Variants in FOXP1 observed in about 807,000 individuals in gnomAD.
FOXP1 encodes the protein forkhead box protein P1.
FOXP1 carries 15 observed loss-of-function variants against 98.2 expected under a neutral mutation model. That is an observed-to-expected ratio of 0.15 (90% CI 0.10 to 0.24). FOXP1 has a LOEUF of 0.24. FOXP1 is among the 10% of genes least tolerant of loss of function. FOXP1 has a pLI of 1.00. For missense variants in FOXP1, 633 were observed against 848.5 expected (o/e 0.75, Z 3.15); for synonymous variants, 371 against 314.5 (o/e 1.18, Z -1.90).
At chr3:71,346,136 A>C (rs1733520) in intron 4 of FOXP1, among the ~76,000 whole-genome samples, 1 of 152,222 alleles carries the variant, frequency 6.6e-6, no homozygotes, top group East Asian at 1.9e-4. Context: ...ATGTAAGAAA[A>C]ACAAAGAGCA....
At chr3:71,542,073 G>A in intron 2 of FOXP1, 2 of 524,170 alleles carry the variant, frequency 3.8e-6, no homozygotes, top group Admixed American at 2.0e-5. Flanking sequence ...ACATTAAACT[G>A]GCTTATATAT....
intron 5 of FOXP1, among the ~76,000 whole-genome samples, chr3:71,248,730 G>C (rs1318306545): frequency 4.3e-5 from 5 of 115,584 alleles, no homozygotes; most frequent in African/African-American, 1.8e-4. Flanking sequence ...AACAGAGCAA[G>C]ACGTCATCTC....
At chr3:71,185,344 A>T (rs2062582806) in intron 6 of FOXP1, among the ~76,000 whole-genome samples, 1 of 152,234 alleles carries the variant, frequency 6.6e-6, no homozygotes, top group Admixed American at 6.5e-5. Context: ...CAAGGGCAAC[A>T]CCATCTCTTC....
At chr3:71,134,038 C>A (rs1234193573) in intron 6 of FOXP1, among the ~76,000 whole-genome samples, 24 of 152,116 alleles carry the variant, frequency 1.6e-4, no homozygotes, top group Non-Finnish European at 5.9e-5. Context: ...CTGTCCCCAC[C>A]CCCATTTATG....
intron 2 of FOXP1, among the ~76,000 whole-genome samples, chr3:71,513,557 ACTT>A (rs761699540): frequency 2.0e-4 from 31 of 152,240 alleles, no homozygotes; most frequent in Non-Finnish European, 3.8e-4. Context: ...GCAAAAGAGA[ACTT>A]CTTAAAACTT....
chr3:71,399,392 A>G (rs942171059), intron 3 of FOXP1, among the ~76,000 whole-genome samples: 1 of 152,256 alleles, frequency 6.6e-6, no homozygotes, highest in African/African-American at 2.4e-5. Context: ...ACACTTAAGG[A>G]AAGTATAAAA....
intron 6 of FOXP1, among the ~76,000 whole-genome samples, chr3:71,171,540 C>A (rs2061653882): frequency 6.6e-6 from 1 of 152,088 alleles, no homozygotes; most frequent in African/African-American, 2.4e-5. Flanking sequence ...AGTTAAAGTA[C>A]TGAATGAGCA....
chr3:71,397,547 G>A (rs2081620120), intron 3 of FOXP1, among the ~76,000 whole-genome samples: 1 of 152,216 alleles, frequency 6.6e-6, no homozygotes, highest in South Asian at 2.1e-4. Context: ...CTTACAGACT[G>A]AACACTGGGA....
chr3:70,996,275 CG>C (rs2041349902), intron 13 of FOXP1, among the ~76,000 whole-genome samples: 2 of 152,180 alleles, frequency 1.3e-5, no homozygotes, highest in African/African-American at 4.8e-5. Flanking sequence ...TGAGCCACCA[CG>C]CCTGCCCGGC....
At chr3:71,286,239 C>A (rs1214987040) in intron 5 of FOXP1, among the ~76,000 whole-genome samples, 1 of 152,006 alleles carries the variant, frequency 6.6e-6, no homozygotes, top group Non-Finnish European at 1.5e-5. Context: ...CATGACTGTA[C>A]TTCATTGATT....
At chr3:70,977,577 A>T in intron 16 of FOXP1, 66 bp downstream of exon 16, 1 of 1,331,288 alleles carries the variant, frequency 7.5e-7, no homozygotes, top group East Asian at 2.3e-5. Context: ...AATCTACTTC[A>T]TCAATATATA....
At chr3:71,582,619 A>G in intron 1 of FOXP1, 5 of 985,410 alleles carry the variant, frequency 5.1e-6, no homozygotes, top group Non-Finnish European at 6.0e-6. Context: ...GAGGGGGGTA[A>G]AATCAGAAAA....
At chr3:71,356,213 CAAAAAAAAA>C (rs3064928) in intron 4 of FOXP1, among the ~76,000 whole-genome samples, 1,906 of 75,386 alleles carry the variant, frequency 0.025, 51 homozygotes, top group African/African-American at 0.081. Context: ...CTGACTAAGT[CAAAAAAAAA>C]AAAAAAAAAA....
intron 2 of FOXP1, among the ~76,000 whole-genome samples, chr3:71,558,375 G>T (rs2046292032): frequency 6.6e-6 from 1 of 152,232 alleles, no homozygotes; most frequent in African/African-American, 2.4e-5. Context: ...GCCAATCAGG[G>T]AATGACTTCT....
intron 17 of FOXP1, among the ~76,000 whole-genome samples, chr3:70,973,220 G>A (rs1321040257): frequency 1.3e-5 from 2 of 151,198 alleles, no homozygotes; most frequent in Non-Finnish European, 2.9e-5. Flanking sequence ...GGATCGGGGG[G>A]TGGTGAACGG....
chr3:71,556,035 A>G lies in FOXP1; in HGVS notation c.-298+25514T>C, dbSNP rs186636259. Among the ~76,000 whole-genome samples, 111 of 152,290 alleles carry G rather than the reference A, an allele frequency of 7.3e-4. 1 individual carries two copies. Among genetic ancestry groups the G allele is most frequent in the Admixed American group, 3.9e-3 (60 of 15,298 alleles). On this transcript the variant is annotated intron_variant, in intron 2 of 20. Coordinates refer to ENST00000649528, the MANE Select transcript of FOXP1 (RefSeq NM_001349338.3). ...TGTCTTACAGAATGTTATAAGGCAT[A>G]AATGAAAGGAAGGAAAACATAAAAA...
At chr3:71,277,544 C>T (rs1576722105) in intron 5 of FOXP1, among the ~76,000 whole-genome samples, 1 of 152,268 alleles carries the variant, frequency 6.6e-6, no homozygotes. Context: ...CTACAATAGC[C>T]TCTTGCCACA....
chr3:71,347,119 T>C (rs1390513913), intron 4 of FOXP1, among the ~76,000 whole-genome samples: 1 of 152,216 alleles, frequency 6.6e-6, no homozygotes, highest in Non-Finnish European at 1.5e-5. Flanking sequence ...ACTGCTCCTT[T>C]GAAAGTAACT....
chr3:71,419,805 A>AT (rs531370975), intron 3 of FOXP1, among the ~76,000 whole-genome samples: 16 of 150,954 alleles, frequency 1.1e-4, no homozygotes, highest in Admixed American at 3.3e-4. Context: ...GGAGCTAGGT[A>AT]TTTTTTTTTA....
Sources: gnomAD v4.1 joint callset for allele counts (sites outside exome capture counted in the v4.1 genomes callset) on GRCh38, gnomAD v4.1.1 for gene constraint, MANE v1.5 for transcripts, NCBI Gene and HGNC (gene_info 2026-07-23, HGNC 2026-07-21) for gene names.